Variants in SUPT3H observed in about 807,000 individuals in gnomAD.
The protein encoded by SUPT3H is SPT3 homolog, SAGA and STAGA complex component, also known as transcription initiation protein SPT3 homolog.
A neutral mutation model predicts 44.3 loss-of-function variants in SUPT3H; 44 were observed. The ratio of observed to expected loss-of-function variants is 0.99; its 90% CI spans 0.78 to 1.28. The LOEUF (loss-of-function observed/expected upper bound fraction) is 1.28. SUPT3H is among the 50% of genes most tolerant of loss of function. SUPT3H has a pLI of 0.00. For missense variants in SUPT3H, 380 were observed against 387.1 expected (o/e 0.98, Z 0.15); for synonymous variants, 124 against 125.6 (o/e 0.99, Z 0.09).
chr6:45,351,057 T>C (rs940744512), intron 2 of SUPT3H, among the ~76,000 whole-genome samples: 1 of 152,086 alleles, frequency 6.6e-6, no homozygotes, highest in Non-Finnish European at 1.5e-5. Flanking sequence ...GGTGTAACAG[T>C]TGCATCCCAA....
intron 10 of SUPT3H, among the ~76,000 whole-genome samples, chr6:44,857,927 C>G (rs1484532467): frequency 1.3e-5 from 2 of 152,184 alleles, no homozygotes; most frequent in Non-Finnish European, 2.9e-5. Context: ...ATAATGCTCT[C>G]TCTCCCTCCA....
At chr6:45,285,854 G>C (rs1015683060) in intron 2 of SUPT3H, among the ~76,000 whole-genome samples, 3 of 152,112 alleles carry the variant, frequency 2.0e-5, no homozygotes, top group Admixed American at 2.0e-4. Context: ...ATACTACAAG[G>C]TGACAGTAAC....
chr6:44,823,908 A>T (rs1335992631), downstream of SUPT3H, among the ~76,000 whole-genome samples: 1 of 152,158 alleles, frequency 6.6e-6, no homozygotes, highest in African/African-American at 2.4e-5. Context: ...GGTTGCAGTG[A>T]GCTGAGATCG....
At chr6:45,094,516 T>C (rs953287744) in intron 3 of SUPT3H, among the ~76,000 whole-genome samples, 1 of 152,076 alleles carries the variant, frequency 6.6e-6, no homozygotes, top group Non-Finnish European at 1.5e-5. Flanking sequence ...GAAAAAAATA[T>C]GTTAAGAGTG....
At position 45,043,142 on chromosome 6, in the gene SUPT3H, TAC is replaced by T. The variant is rs59321114; in HGVS notation, c.187-22512_187-22511del. On this transcript the variant is annotated intron_variant, in intron 3 of 10. Transcript: ENST00000371459. ...GAGCCTTGTATCTTACATACACACA[TAC>T]ACACACACACACACACACACACACA... 4.4e-3 allele frequency among the ~76,000 whole-genome samples: 648 copies of T among 146,872 alleles called. 3 individuals carry two copies. Among genetic ancestry groups the T allele is most frequent in the African/African-American group, 0.015 (580 of 39,440 alleles).
At chr6:45,036,321 C>T (rs547958502) in intron 3 of SUPT3H, among the ~76,000 whole-genome samples, 7 of 152,058 alleles carry the variant, frequency 4.6e-5, no homozygotes, top group African/African-American at 1.7e-4. Flanking sequence ...GGTTCTGAGG[C>T]AAGACTTTGC....
chr6:45,153,889 G>A (rs1041552170), intron 2 of SUPT3H, among the ~76,000 whole-genome samples: 1 of 151,986 alleles, frequency 6.6e-6, no homozygotes, highest in African/African-American at 2.4e-5. Flanking sequence ...CCAACATGGT[G>A]AAACCCTGTC....
chr6:44,924,550 G>A (rs1279325671), intron 10 of SUPT3H, among the ~76,000 whole-genome samples: 1 of 152,064 alleles, frequency 6.6e-6, no homozygotes, highest in Non-Finnish European at 1.5e-5. Context: ...TAAAGAAAAA[G>A]TTTAATGGGT....
chr6:45,350,225 C>T (rs144130148), intron 2 of SUPT3H, among the ~76,000 whole-genome samples: 1 of 152,154 alleles, frequency 6.6e-6, no homozygotes, highest in East Asian at 1.9e-4. Flanking sequence ...TCTCCAGAGC[C>T]TAGAATGGTG....
chr6:44,861,739 T>C (rs1774700510), intron 10 of SUPT3H, among the ~76,000 whole-genome samples: 1 of 152,008 alleles, frequency 6.6e-6, no homozygotes, highest in Non-Finnish European at 1.5e-5. Context: ...TTTTTAACAG[T>C]GTGCTAAGAA....
At position 45,353,453 on chromosome 6, in the gene SUPT3H, C is replaced by T. The variant is rs532781966; in HGVS notation, c.101+11748G>A. On this transcript the variant is annotated intron_variant, in intron 2 of 10. Coordinates refer to ENST00000371459, the MANE Select transcript of SUPT3H (RefSeq NM_003599.4). ...GCAGTACTGGCAAAGGAATAGACTACTCAACGGAACAAAGCAGAAAAGTTT... is the reference window on the plus strand; with the variant it reads ...GCAGTACTGGCAAAGGAATAGACTATTCAACGGAACAAAGCAGAAAAGTTT... Among the ~76,000 whole-genome samples, 239 of 152,042 alleles carry T rather than the reference C, an allele frequency of 1.6e-3. 2 individuals are homozygous for T. Among genetic ancestry groups the T allele is most frequent in the African/African-American group, 5.3e-3 (222 of 41,520 alleles).
chr6:45,110,163 C>T (rs1799838366), intron 2 of SUPT3H, among the ~76,000 whole-genome samples: 1 of 152,108 alleles, frequency 6.6e-6, no homozygotes, highest in Admixed American at 6.6e-5. Context: ...CAACTTACAC[C>T]CTATCTTCTC....
At position 45,347,442 on chromosome 6, in the gene SUPT3H, T is replaced by C. The variant is rs530394435; in HGVS notation, c.101+17759A>G. On this transcript the variant is annotated intron_variant, in intron 2 of 10. Coordinates refer to ENST00000371459, the MANE Select transcript of SUPT3H (RefSeq NM_003599.4). ...AGAAATACCTCAACATAAATCACTA[T>C]GGCACATAATGAACCCAAAAGGAAT... Among the ~76,000 whole-genome samples, 29 of 152,268 alleles carry C rather than the reference T, an allele frequency of 1.9e-4. No individual in the cohort carries two copies. In the South Asian group the frequency reaches 5.8e-3, roughly 30 times the overall value.
At chr6:45,028,939 T>C (rs1583153726) in intron 3 of SUPT3H, among the ~76,000 whole-genome samples, 1 of 145,936 alleles carries the variant, frequency 6.9e-6, no homozygotes, top group African/African-American at 2.5e-5. Context: ...AGATAAAAGG[T>C]TTGGATCAAA....
chr6:45,214,015 CAAAAAAA>C (rs11418358), intron 2 of SUPT3H, among the ~76,000 whole-genome samples: 1 of 74,120 alleles, frequency 1.3e-5, no homozygotes, highest in Non-Finnish European at 2.4e-5. Context: ...TTTTGAAATG[CAAAAAAA>C]AAAAAAAAAA....
intron 2 of SUPT3H, among the ~76,000 whole-genome samples, chr6:45,342,148 C>T (rs1193652888): frequency 6.6e-6 from 1 of 151,832 alleles, no homozygotes; most frequent in Non-Finnish European, 1.5e-5. Context: ...GTTGATGGTG[C>T]CAATGATCAT....
In SUPT3H at chr6:45,133,308, A is replaced by G. The variant is rs1162586423; in HGVS notation, c.102-27302T>C. On this transcript the variant is annotated intron_variant, in intron 2 of 10. Transcript: ENST00000371459. ...TCTTATCTTCAAAAAGTGTTTTGAA[A>G]TATGAATTAATGAAGCTCTTTCCTT... Among the ~76,000 whole-genome samples, 3 of 152,200 alleles carry G rather than the reference A, an allele frequency of 2.0e-5. No individual in the cohort carries two copies. The East Asian group carries it at 5.8e-4, about 29-fold the overall frequency.
intron 2 of SUPT3H, among the ~76,000 whole-genome samples, chr6:45,305,890 C>T (rs2149956414): frequency 6.6e-6 from 1 of 152,336 alleles, no homozygotes; most frequent in South Asian, 2.1e-4. Context: ...GGCTAAAAGC[C>T]AAGCCCTCAC....
At chr6:44,825,078 C>T (rs2153406783), downstream of SUPT3H, among the ~76,000 whole-genome samples, 1 of 152,242 alleles carries the variant, frequency 6.6e-6, no homozygotes, top group Middle Eastern at 3.4e-3. Flanking sequence ...GAAACGGTAG[C>T]CTGTAAACAG....
Sources: gnomAD v4.1 joint callset for allele counts (sites outside exome capture counted in the v4.1 genomes callset) on GRCh38, gnomAD v4.1.1 for gene constraint, MANE v1.5 for transcripts, NCBI Gene and HGNC (gene_info 2026-07-23, HGNC 2026-07-21) for gene names.